Variants in LRP1B observed in about 807,000 individuals in gnomAD.
The protein encoded by LRP1B is low-density lipoprotein receptor-related protein 1B.
In LRP1B, 217 loss-of-function variants were observed where a neutral mutation model predicts 556.6. The ratio of observed to expected loss-of-function variants is 0.39; its 90% CI spans 0.35 to 0.44. LRP1B has a LOEUF of 0.44. Ranked by LOEUF, LRP1B falls within the 20% of genes least tolerant of loss-of-function variation. The pLI is 1.00. For missense variants in LRP1B, 5,053 were observed against 5,620.8 expected, an observed-to-expected ratio of 0.90 and a Z score of 3.23; for synonymous variants, 2,047 against 1,865.8, an observed-to-expected ratio of 1.10 and a Z score of -2.50.
At chr2:141,862,283 C>A (rs1698271831) in intron 1 of LRP1B, among the ~76,000 whole-genome samples, 1 of 152,156 alleles carries the variant, frequency 6.6e-6, no homozygotes, top group South Asian at 2.1e-4. Context: ...CTCATTTGGT[C>A]TTTGTATAGC....
intron 43 of LRP1B, among the ~76,000 whole-genome samples, chr2:140,554,371 G>C (rs762697228): frequency 6.6e-6 from 1 of 152,018 alleles, no homozygotes; most frequent in Non-Finnish European, 1.5e-5. Flanking sequence ...CAAAAATTTT[G>C]AATTAAGTAC....
chr2:141,340,342 C>G (rs1688011847), intron 3 of LRP1B, among the ~76,000 whole-genome samples: 1 of 152,194 alleles, frequency 6.6e-6, no homozygotes, highest in Non-Finnish European at 1.5e-5. Flanking sequence ...TTGTTCAACA[C>G]ATTTCAAAGT....
chr2:141,090,862 G>A (rs1473674893), intron 7 of LRP1B, among the ~76,000 whole-genome samples: 1 of 152,022 alleles, frequency 6.6e-6, no homozygotes, highest in African/African-American at 2.4e-5. Flanking sequence ...ACACATATTT[G>A]ACATATGAAC....
rs2105422236 is a variant in LRP1B at position 140,700,621 on chromosome 2, C to T, written c.6428G>A (p.Gly2143Glu). 1 of 1,612,964 alleles carries T rather than the reference C, an allele frequency of 6.2e-7. No individual in the cohort carries two copies. Among genetic ancestry groups the T allele is most frequent in the South Asian group, 1.1e-5 (1 of 91,008 alleles). ...ATTGTCCCTGGCACAAACATTGGTCCCTAATGAAGAAAAATGATACACACA... is the reference window on the plus strand; with the variant it reads ...ATTGTCCCTGGCACAAACATTGGTCTCTAATGAAGAAAAATGATACACACA... ...VKIFNRVREK[G>E]TNVCARDNGG... The change falls in exon 41 of 91, where the codon GGG becomes GAG. Residue 2143 changes from glycine to glutamate, a missense_variant and splice_region_variant. Around this residue, in one of 5 missense-constraint regions of LRP1B, gnomAD observed 3,619 missense variants for 3,931.9 expected, o/e 0.92. Coordinates refer to ENST00000389484, the MANE Select transcript of LRP1B (RefSeq NM_018557.3).
intron 7 of LRP1B, among the ~76,000 whole-genome samples, chr2:141,076,828 G>A (rs1036583434): frequency 5.3e-5 from 8 of 152,208 alleles, no homozygotes; most frequent in African/African-American, 1.9e-4. Context: ...GGATAAAGAT[G>A]CTTTTGAATT....
At chr2:140,233,717 C>A (rs1573659374) in intron 90 of LRP1B, among the ~76,000 whole-genome samples, 1 of 151,122 alleles carries the variant, frequency 6.6e-6, no homozygotes, top group South Asian at 2.1e-4. Flanking sequence ...CTATCCGTGG[C>A]AAGTAAGATG....
intron 35 of LRP1B, among the ~76,000 whole-genome samples, chr2:140,765,206 T>C (rs1192624060): frequency 1.3e-5 from 2 of 152,088 alleles, no homozygotes; most frequent in African/African-American, 4.8e-5. Context: ...CCATCAGTTG[T>C]TGCATCATTG....
intron 3 of LRP1B, among the ~76,000 whole-genome samples, chr2:141,344,678 T>C (rs999742226): frequency 1.3e-5 from 2 of 152,204 alleles, no homozygotes; most frequent in African/African-American, 4.8e-5. Flanking sequence ...CATTGAAATA[T>C]AAGCTCCATA....
intron 66 of LRP1B, among the ~76,000 whole-genome samples, chr2:140,439,854 G>A (rs999230141): frequency 2.0e-5 from 3 of 151,424 alleles, no homozygotes; most frequent in African/African-American, 7.3e-5. Flanking sequence ...CAATAAACAT[G>A]GTATTTCAGT....
At chr2:140,797,802 G>GA (rs976318297) in intron 32 of LRP1B, among the ~76,000 whole-genome samples, 1 of 151,848 alleles carries the variant, frequency 6.6e-6, no homozygotes, top group Non-Finnish European at 1.5e-5. Context: ...ACTTAAAAAA[G>GA]AAAAAAATAA....
chr2:142,071,888 G>T (rs1036608936), intron 1 of LRP1B, among the ~76,000 whole-genome samples: 1 of 151,928 alleles, frequency 6.6e-6, no homozygotes, highest in Non-Finnish European at 1.5e-5. Context: ...TTTAAATCCA[G>T]TATGCCCAAA....
rs1683421085 is a variant in LRP1B at position 141,493,804 on chromosome 2, A to ATTTGTCTGT, written c.206-13280_206-13272dup. Among the ~76,000 whole-genome samples, 5 of 152,244 alleles carry ATTTGTCTGT rather than the reference A, an allele frequency of 3.3e-5. No homozygotes were observed. The South Asian group carries it at 8.3e-4, about 25-fold the overall frequency. On this transcript the variant is annotated intron_variant, in intron 2 of 90. Transcript: ENST00000389484. ...CAGTTAAACTGCATAGAGGAACTGT[A>ATTTGTCTGT]TTTGTCTGTTTTCAGTAAATCCTAA...
At chr2:141,381,399 A>T (rs1689638474) in intron 3 of LRP1B, among the ~76,000 whole-genome samples, 1 of 151,970 alleles carries the variant, frequency 6.6e-6, no homozygotes, top group African/African-American at 2.4e-5. Flanking sequence ...GAGTGAAGAT[A>T]GCTTAAAGGA....
chr2:141,902,439 A>T (rs1699646888), intron 1 of LRP1B, among the ~76,000 whole-genome samples: 1 of 152,008 alleles, frequency 6.6e-6, no homozygotes, highest in South Asian at 2.1e-4. Context: ...ATAATCAGAA[A>T]TTACCATGCT....
At chr2:141,918,032 C>A (rs1700084524) in intron 1 of LRP1B, among the ~76,000 whole-genome samples, 2 of 151,946 alleles carry the variant, frequency 1.3e-5, no homozygotes, top group South Asian at 4.2e-4. Context: ...AAGGGATATC[C>A]ATGTTATTTT....
chr2:140,699,294 T>A (rs954994245), intron 41 of LRP1B, among the ~76,000 whole-genome samples: 3 of 151,940 alleles, frequency 2.0e-5, no homozygotes, highest in African/African-American at 7.2e-5. Context: ...CAATACACAG[T>A]AAATGAAAAA....
chr2:141,270,614 A>T (rs1300125910), intron 3 of LRP1B, among the ~76,000 whole-genome samples: 1 of 152,100 alleles, frequency 6.6e-6, no homozygotes, highest in African/African-American at 2.4e-5. Context: ...TTAACAAAAA[A>T]GAAAATTCTG....
intron 41 of LRP1B, among the ~76,000 whole-genome samples, chr2:140,652,984 A>G (rs1194365716): frequency 6.6e-6 from 1 of 152,158 alleles, no homozygotes; most frequent in Non-Finnish European, 1.5e-5. Context: ...TATTTACAAA[A>G]TCTAAGAAAG....
At chr2:141,695,792 CA>C (rs1691716804) in intron 2 of LRP1B, among the ~76,000 whole-genome samples, 2 of 152,004 alleles carry the variant, frequency 1.3e-5, no homozygotes, top group South Asian at 4.1e-4. Flanking sequence ...TGGCTGAAAA[CA>C]TTGTAAAAAT....
Sources: gnomAD v4.1 joint callset for allele counts (sites outside exome capture counted in the v4.1 genomes callset) on GRCh38, gnomAD v4.1.1 for gene constraint, gnomAD v4.1.1 regional missense constraint, MANE v1.5 for transcripts, NCBI Gene and HGNC (gene_info 2026-07-23, HGNC 2026-07-21) for gene names.